The following XYLT1 variants were observed in gnomAD, a reference collection of about 807,000 sequenced individuals.
XYLT1 encodes xylosyltransferase 1.
In XYLT1, 36 loss-of-function variants were observed where a neutral mutation model predicts 91.3. The observed-to-expected ratio is 0.39, with a 90% CI of 0.30 to 0.52. The LOEUF is 0.52. Among genes scored for constraint, XYLT1 ranks in the 20% least tolerant of loss-of-function variants. The pLI is 0.68. For synonymous variants in XYLT1, 588 were observed against 532.0 expected (o/e 1.11, Z -1.45); for missense variants, 1,242 against 1,284.5 (o/e 0.97, Z 0.51).
At chr16:17,371,051 G>A (rs547250609) in intron 1 of XYLT1, among the ~76,000 whole-genome samples, 3 of 152,322 alleles carry the variant, frequency 2.0e-5, no homozygotes, top group Non-Finnish European at 2.9e-5. Flanking sequence ...AGGTTAGAGA[G>A]AAGGACGGGA....
chr16:17,379,763 TCACACACACA>T (rs71137987), intron 1 of XYLT1, among the ~76,000 whole-genome samples: 1 of 125,546 alleles, frequency 8.0e-6, no homozygotes, highest in African/African-American at 3.2e-5. Context: ...TCTCTCTCTC[TCACACACACA>T]CACACACACA....
intron 2 of XYLT1, among the ~76,000 whole-genome samples, chr16:17,350,296 A>G (rs1057114538): frequency 1.3e-5 from 2 of 152,216 alleles, no homozygotes; most frequent in South Asian, 2.1e-4. Context: ...ATTTTTTGAA[A>G]TGGTGCATGT....
At chr16:17,334,066 ATCCCCTAC>A (rs1208827089) in intron 2 of XYLT1, among the ~76,000 whole-genome samples, 2 of 152,160 alleles carry the variant, frequency 1.3e-5, no homozygotes, top group Admixed American at 1.3e-4. Context: ...CACAGAGTTC[ATCCCCTAC>A]AAATAATACA....
chr16:17,367,158 T>C (rs2035466151), intron 1 of XYLT1, among the ~76,000 whole-genome samples: 1 of 152,158 alleles, frequency 6.6e-6, no homozygotes, highest in African/African-American at 2.4e-5. Context: ...ACAGAGTGGG[T>C]GGGCCACCAA....
At chr16:17,262,121 C>G (rs959866158) in intron 2 of XYLT1, among the ~76,000 whole-genome samples, 4 of 152,082 alleles carry the variant, frequency 2.6e-5, no homozygotes, top group African/African-American at 9.7e-5. Context: ...ACAGGTATTA[C>G]TTATAGGGTA....
At chr16:17,111,800 T>C (rs1027903647) in intron 11 of XYLT1, among the ~76,000 whole-genome samples, 7 of 152,174 alleles carry the variant, frequency 4.6e-5, no homozygotes, top group Non-Finnish European at 1.0e-4. Flanking sequence ...ATTGAGCACA[T>C]ACTCTGTCTC....
At chr16:17,133,400 A>C (rs967224079) in intron 9 of XYLT1, among the ~76,000 whole-genome samples, 1 of 152,102 alleles carries the variant, frequency 6.6e-6, no homozygotes, top group East Asian at 1.9e-4. Context: ...AAAAGAGAGA[A>C]TGGAAAAAAA....
At chr16:17,401,074 A>G (rs1308111811) in intron 1 of XYLT1, among the ~76,000 whole-genome samples, 1 of 151,772 alleles carries the variant, frequency 6.6e-6, no homozygotes, top group East Asian at 1.9e-4. Context: ...ACAAAATGCA[A>G]CTCTCCCTGG....
At chr16:17,169,290 A>G (rs1045581712) in intron 5 of XYLT1, among the ~76,000 whole-genome samples, 5 of 152,202 alleles carry the variant, frequency 3.3e-5, no homozygotes, top group African/African-American at 1.2e-4. Flanking sequence ...GGCAGGCAGT[A>G]AACTGGAGAA....
Position 17,379,763 on chromosome 16 carries a change from T to TCCCTCA in XYLT1, c.364-21714_364-21713insTGAGGG, listed in dbSNP as rs373354877. 2.4e-5 allele frequency among the ~76,000 whole-genome samples: 3 copies of TCCCTCA among 125,622 alleles called. No homozygotes were observed. In the South Asian group the frequency reaches 8.3e-4, roughly 35 times the overall value. 82.4% of individuals were successfully genotyped at this position (125,622 alleles called of 152,430 possible). ...CTCTCTCTCTCTCTCTCTCTCTCTC[T>TCCCTCA]CACACACACACACACACACACACAC... On this transcript the variant is annotated intron_variant, in intron 1 of 11. Transcript: ENST00000261381.
chr16:17,219,799 C>T (rs554937365), intron 3 of XYLT1, among the ~76,000 whole-genome samples: 2 of 152,110 alleles, frequency 1.3e-5, no homozygotes, highest in South Asian at 2.1e-4. Context: ...GAGGCCGAGG[C>T]GGGTGGATCA....
chr16:17,252,230 C>A (rs556289918), intron 3 of XYLT1, among the ~76,000 whole-genome samples: 3 of 152,136 alleles, frequency 2.0e-5, no homozygotes. Context: ...CAGCCAACCA[C>A]GCTATAAAGA....
chr16:17,436,147 G>A (rs1180577251), intron 1 of XYLT1, among the ~76,000 whole-genome samples: 2 of 152,124 alleles, frequency 1.3e-5, no homozygotes, highest in Admixed American at 6.5e-5. Context: ...TTTGCTCCTC[G>A]TTCGCCTTCT....
At chr16:17,187,393 CAAAAAAAAAAA>C (rs71137979) in intron 5 of XYLT1, among the ~76,000 whole-genome samples, 2 of 55,306 alleles carry the variant, frequency 3.6e-5, no homozygotes, top group African/African-American at 7.5e-5. Context: ...GACTCAGTTT[CAAAAAAAAAAA>C]AAAAAAAAAA....
intron 1 of XYLT1, among the ~76,000 whole-genome samples, chr16:17,409,546 CTTTTTTTT>C (rs35377886): frequency 8.5e-6 from 1 of 117,340 alleles, no homozygotes. Flanking sequence ...TATTGAGACA[CTTTTTTTT>C]TTTTTTTTTT....
chr16:17,410,604 A>ATC (rs1215489760), intron 1 of XYLT1, among the ~76,000 whole-genome samples: 1 of 150,006 alleles, frequency 6.7e-6, no homozygotes, highest in Admixed American at 6.6e-5. Flanking sequence ...TCAAGATGAG[A>ATC]TCTGGGTGGG....
intron 1 of XYLT1, among the ~76,000 whole-genome samples, chr16:17,419,857 G>A (rs1268854583): frequency 6.6e-6 from 1 of 152,182 alleles, no homozygotes; most frequent in Non-Finnish European, 1.5e-5. Context: ...AGTTCATGAA[G>A]GCAGGAACAT....
At chr16:17,111,557 A>G (rs974000654) in intron 11 of XYLT1, among the ~76,000 whole-genome samples, 2 of 152,196 alleles carry the variant, frequency 1.3e-5, no homozygotes, top group African/African-American at 4.8e-5. Context: ...GCCACCACCA[A>G]AGGCACCCAG....
chr16:17,153,792 G>C (rs1233261972), intron 6 of XYLT1, among the ~76,000 whole-genome samples: 3 of 152,132 alleles, frequency 2.0e-5, no homozygotes, highest in Non-Finnish European at 4.4e-5. Context: ...GCAAAATGCT[G>C]ACCCTAGGAA....
Sources: gnomAD v4.1 joint callset for allele counts (sites outside exome capture counted in the v4.1 genomes callset) on GRCh38, gnomAD v4.1.1 for gene constraint, MANE v1.5 for transcripts, NCBI Gene and HGNC (gene_info 2026-07-23, HGNC 2026-07-21) for gene names.